The following LIPA variants were observed in gnomAD, a reference collection of about 807,000 sequenced individuals.
LIPA encodes the protein lipase A, lysosomal acid type.
LIPA carries 26 observed loss-of-function variants against 40.6 expected under a neutral mutation model. The observed-to-expected ratio is 0.64, with a 90% CI of 0.47 to 0.89. The LOEUF (loss-of-function observed/expected upper bound fraction) is 0.89. Ranked by LOEUF, LIPA falls within the 40% of genes least tolerant of loss-of-function variation. The pLI is 0.00. For synonymous variants in LIPA, 188 were observed against 168.4 expected (o/e 1.12, Z -0.90); for missense variants, 455 against 479.6 (o/e 0.95, Z 0.48).
chr10:89,222,691 C>T, intron 7 of LIPA, 109 bp from the exon 8 acceptor site: 1 of 777,232 alleles, frequency 1.3e-6, no homozygotes, highest in Non-Finnish European at 2.3e-6. Flanking sequence ...GCCATAATCT[C>T]AAGTATGTGA....
Position 89,394,577 on chromosome 10 carries a change from AATATATATATATAT to A in LIPA, c.61+18200_61+18213del, listed in dbSNP as rs200060906. Among the ~76,000 whole-genome samples, 320 of 108,732 alleles carry A rather than the reference AATATATATATATAT, an allele frequency of 2.9e-3. 2 individuals are homozygous for A. The highest frequency in any genetic ancestry group is 4.1e-3 in the Non-Finnish European group (228 of 55,668). 71.3% of individuals were successfully genotyped at this position (108,732 alleles called of 152,430 possible). A position where few individuals can be genotyped will look rare whatever the true frequency, so the allele number is the denominator to read the frequency against. ...TTTATGTCAATATGTACTACAGGAA[AATATATATATATAT>A]ATATATATATATATATATATATATA... On this transcript the variant is annotated intron_variant, in intron 2 of 8. Coordinates refer to the LIPA transcript ENST00000371837.
At chr10:89,244,357 T>C (rs551774651) in intron 3 of LIPA, among the ~76,000 whole-genome samples, 3 of 152,214 alleles carry the variant, frequency 2.0e-5, no homozygotes, top group Non-Finnish European at 4.4e-5. Flanking sequence ...TGGGCAGGAA[T>C]TGAGGCAAAG....
rs567174182 is a variant in LIPA, at chr10:89,213,813, G to A, written c.*1015C>T. On this transcript the variant is annotated 3_prime_UTR_variant, in exon 10 of 10. Coordinates refer to ENST00000336233, the MANE Select transcript of LIPA (RefSeq NM_000235.4). ...CCCAACATAGGGACGTGAAGCAGGT[G>A]TATTAAAAATAAGGATGCATATAAA... is the stretch of plus-strand genomic sequence containing the variant. 6.6e-6 allele frequency: 1 copy of A among 152,294 alleles called. No homozygotes were observed. Among genetic ancestry groups the A allele is most frequent in the Admixed American group, 6.5e-5 (1 of 15,300 alleles). 9.4% of individuals were successfully genotyped at this position (152,294 alleles called of 1,614,324 possible).
At chr10:89,286,374 C>G (rs1356374628) in intron 1 of LIPA, among the ~76,000 whole-genome samples, 1 of 152,148 alleles carries the variant, frequency 6.6e-6, no homozygotes, top group Non-Finnish European at 1.5e-5. Context: ...CCAATTCTCC[C>G]TTAGCCTCCG....
intron 1 of LIPA, among the ~76,000 whole-genome samples, chr10:89,279,143 A>G (rs542311335): frequency 1.2e-4 from 18 of 152,326 alleles, no homozygotes; most frequent in Admixed American, 5.2e-4. Context: ...GATGAGAAGC[A>G]TTCTAAAGTG....
intron 1 of LIPA, among the ~76,000 whole-genome samples, chr10:89,325,841 G>A (rs966861461): frequency 5.3e-5 from 8 of 151,892 alleles, no homozygotes; most frequent in Non-Finnish European, 1.0e-4. Flanking sequence ...ACCTGTACGT[G>A]TATACCTGCA....
intron 1 of LIPA, chr10:89,327,948 T>A (rs981616444): frequency 2.3e-6 from 2 of 867,676 alleles, no homozygotes; most frequent in African/African-American, 3.5e-5. Context: ...AGCTGATGCG[T>A]GCCCTACTCT....
rs748509124 is a variant in LIPA at position 89,306,412 on chromosome 10, C to T, written c.-2+36199G>A. ...GGACACGGTTAAAGTGTGGAGGAAA[C>T]CAAAATGAAAGAGCGAAGGTGTGCT... On this transcript the variant is annotated intron_variant, in intron 1 of 5. Coordinates refer to the LIPA transcript ENST00000282673. 1.9e-6 allele frequency: 3 copies of T among 1,613,950 alleles called. No homozygotes were observed. The African/African-American group carries it at 4.0e-5, about 22-fold the overall frequency.
intron 2 of LIPA, among the ~76,000 whole-genome samples, chr10:89,408,229 A>G (rs1168147715): frequency 2.0e-5 from 3 of 152,318 alleles, no homozygotes; most frequent in Admixed American, 2.0e-4. Flanking sequence ...CCTGGCCCCA[A>G]TATTCTCTCT....
intron 2 of LIPA, among the ~76,000 whole-genome samples, chr10:89,356,475 T>A (rs1164510439): frequency 6.6e-6 from 1 of 152,134 alleles, no homozygotes; most frequent in African/African-American, 2.4e-5. Context: ...CACATTACTG[T>A]CTGAGTTCCG....
intron 1 of LIPA, among the ~76,000 whole-genome samples, chr10:89,334,478 CTTTTTTTTTTTTTTTTTTT>C (rs578154457): frequency 4.0e-5 from 1 of 25,314 alleles, no homozygotes; most frequent in Admixed American, 5.7e-4. Flanking sequence ...TTCTTTTATT[CTTTTTTTTTTTTTTTTTTT>C]TTTTTTTTTT....
At chr10:89,359,247 G>A (rs1044878344) in intron 2 of LIPA, among the ~76,000 whole-genome samples, 1 of 151,608 alleles carries the variant, frequency 6.6e-6, no homozygotes, top group African/African-American at 2.4e-5. Flanking sequence ...CACATTTTGG[G>A]GCACATATGT....
At chr10:89,317,088 T>C (rs2133529970) in intron 1 of LIPA, among the ~76,000 whole-genome samples, 1 of 152,278 alleles carries the variant, frequency 6.6e-6, no homozygotes, top group East Asian at 1.9e-4. Context: ...CAAAGGTAGA[T>C]AAAACCACAA....
At chr10:89,299,098 G>A (rs984077226) in intron 1 of LIPA, among the ~76,000 whole-genome samples, 7 of 151,358 alleles carry the variant, frequency 4.6e-5, no homozygotes, top group South Asian at 2.1e-4. Flanking sequence ...CACAGAAATC[G>A]GAGAAACAAT....
intron 2 of LIPA, among the ~76,000 whole-genome samples, chr10:89,377,386 G>A (rs904170932): frequency 6.6e-6 from 1 of 152,110 alleles, no homozygotes; most frequent in Non-Finnish European, 1.5e-5. Flanking sequence ...CTCAAACATT[G>A]TTGTTTGAAC....
At chr10:89,257,468 T>G (rs1290196261) in intron 1 of LIPA, among the ~76,000 whole-genome samples, 1 of 152,242 alleles carries the variant, frequency 6.6e-6, no homozygotes, top group Non-Finnish European at 1.5e-5. Flanking sequence ...ATAGCAGTTC[T>G]GCTTCCAGCA....
At chr10:89,250,107 C>CTTTCTTTTTTTTTTTTTTT (rs573748456) in intron 1 of LIPA, among the ~76,000 whole-genome samples, 1 of 96,074 alleles carries the variant, frequency 1.0e-5, no homozygotes, top group African/African-American at 4.6e-5. Flanking sequence ...TCTTTTCTTT[C>CTTTCTTTTTTTTTTTTTTT]TTTTTTTTTT....
intron 1 of LIPA, among the ~76,000 whole-genome samples, chr10:89,295,038 A>AAGGAAAGGAG (rs1564778303): frequency 6.7e-6 from 1 of 149,894 alleles, no homozygotes; most frequent in Non-Finnish European, 1.5e-5. Context: ...AAGGAAAGGA[A>AAGGAAAGGAG]AGGAAAGGAA....
intron 1 of LIPA, chr10:89,302,079 G>A (rs781311834): frequency 1.9e-6 from 3 of 1,613,306 alleles, no homozygotes; most frequent in Admixed American, 3.3e-5. Flanking sequence ...GAGTGCAGCT[G>A]CCTGAACCGA....
Sources: allele counts gnomAD v4.1 joint callset (sites outside exome capture counted in the v4.1 genomes callset), GRCh38; gene constraint gnomAD v4.1.1; transcripts MANE v1.5; gene names NCBI Gene and HGNC (gene_info 2026-07-23, HGNC 2026-07-21).